The following SLC5A4 variants were observed in gnomAD, a reference collection of about 807,000 sequenced individuals.
SLC5A4 encodes the protein solute carrier family 5 member 4.
SLC5A4 carries 55 observed loss-of-function variants against 70.3 expected under a neutral mutation model. The ratio of observed to expected loss-of-function variants is 0.78; its 90% CI spans 0.63 to 0.98. SLC5A4 has a LOEUF of 0.98. Ranked by LOEUF, SLC5A4 falls within the 50% of genes least tolerant of loss-of-function variation. The pLI, the probability that SLC5A4 is intolerant of heterozygous loss-of-function variation, is 0.00. For synonymous variants in SLC5A4, 268 were observed against 305.7 expected, an observed-to-expected ratio of 0.88 and a Z score of 1.29; for missense variants, 735 against 839.2, an observed-to-expected ratio of 0.88 and a Z score of 1.53.
upstream of SLC5A4, among the ~76,000 whole-genome samples, chr22:32,257,816 C>G (rs1482159589): frequency 6.6e-6 from 1 of 151,816 alleles, no homozygotes; most frequent in East Asian, 1.9e-4. Flanking sequence ...CAGAAACACA[C>G]CACCATGCCC....
At chr22:32,308,968 T>C in the SLC5A4 span, among the ~76,000 whole-genome samples, 29 of 152,256 alleles carry the variant, frequency 1.9e-4, no homozygotes, top group African/African-American at 7.0e-4. Flanking sequence ...CTAGACAGTC[T>C]CACTCTGTCG....
At chr22:32,226,709 A>G (rs1185485925) in intron 11 of SLC5A4, among the ~76,000 whole-genome samples, 4 of 152,170 alleles carry the variant, frequency 2.6e-5, no homozygotes, top group Non-Finnish European at 4.4e-5. Flanking sequence ...AAGACAAATC[A>G]TGTGCTTTCC....
the SLC5A4 span, among the ~76,000 whole-genome samples, chr22:32,353,312 C>T: frequency 2.0e-5 from 3 of 152,104 alleles, no homozygotes; most frequent in Non-Finnish European, 4.4e-5. Context: ...GGTTCCCGTT[C>T]CTGACGCCTC....
intron 2 of SLC5A4, among the ~76,000 whole-genome samples, chr22:32,252,252 TAGAC>T (rs1159118556): frequency 7.2e-6 from 1 of 139,252 alleles, no homozygotes; most frequent in Non-Finnish European, 1.6e-5. Context: ...AAAAAGAAAA[TAGAC>T]AGATGCTGAG....
chr22:32,234,709 A>G (rs1185221762), intron 8 of SLC5A4, among the ~76,000 whole-genome samples, 164 bp downstream of exon 8: 1 of 152,146 alleles, frequency 6.6e-6, no homozygotes, highest in East Asian at 1.9e-4. Flanking sequence ...TCTCAAAAAA[A>G]CACAAAAAAC....
At chr22:32,305,252 G>C in the SLC5A4 span, among the ~76,000 whole-genome samples, 2 of 151,774 alleles carry the variant, frequency 1.3e-5, no homozygotes, top group East Asian at 3.9e-4. Flanking sequence ...TTATGTATTT[G>C]GAGCACAGTA....
chr22:32,305,563 A>T, the SLC5A4 span, among the ~76,000 whole-genome samples: 1 of 148,514 alleles, frequency 6.7e-6, no homozygotes, highest in Admixed American at 7.1e-5. Context: ...TCTGGGCCCC[A>T]GGTGAGGTGG....
chr22:32,269,903 C>A, the SLC5A4 span: 1 of 551,190 alleles, frequency 1.8e-6, no homozygotes, highest in Non-Finnish European at 3.6e-6. This position sits in a 1 kb window ranked among gnomAD's most constrained non-coding sequence, Gnocchi z 4.1. Flanking sequence ...TTTGACAAGG[C>A]GGCCACCAGC....
intron 12 of SLC5A4, among the ~76,000 whole-genome samples, chr22:32,224,723 C>T (rs1372279249): frequency 2.6e-5 from 4 of 152,174 alleles, no homozygotes; most frequent in African/African-American, 9.7e-5. Flanking sequence ...AATACCAGGA[C>T]ACTACTGTCT....
At chr22:32,317,646 T>C in the SLC5A4 span, among the ~76,000 whole-genome samples, 1 of 152,080 alleles carries the variant, frequency 6.6e-6, no homozygotes, top group East Asian at 1.9e-4. Flanking sequence ...AAAAATTCTT[T>C]GTAGGGATGG....
intron 10 of SLC5A4, 42 bp from the exon 11 acceptor site, chr22:32,229,386 C>A (rs1370314611): frequency 6.3e-7 from 1 of 1,599,924 alleles, no homozygotes; most frequent in Admixed American, 1.7e-5. Context: ...AGTGGCTGGA[C>A]ACTGCCTTGC....
intron 11 of SLC5A4, among the ~76,000 whole-genome samples, chr22:32,226,330 C>T (rs573709260): frequency 2.4e-4 from 36 of 152,314 alleles, no homozygotes; most frequent in Middle Eastern, 3.4e-3. Context: ...AGTACTTCAG[C>T]AGGTAAAAAG....
At chr22:32,271,216 T>A in the SLC5A4 span, 2 of 779,980 alleles carry the variant, frequency 2.6e-6, no homozygotes, top group Non-Finnish European at 4.4e-6. Flanking sequence ...GCGGCTGGTG[T>A]TCTTGGTGAA....
chr22:32,271,302 G>A, the SLC5A4 span: 21 of 743,762 alleles, frequency 2.8e-5, no homozygotes, highest in East Asian at 1.2e-4. Flanking sequence ...AGGCCCGCAG[G>A]GAGGAGGCCA....
At chr22:32,264,594 A>G in the SLC5A4 span, among the ~76,000 whole-genome samples, 1 of 152,200 alleles carries the variant, frequency 6.6e-6, no homozygotes, top group Non-Finnish European at 1.5e-5. Context: ...ACGAAACAAG[A>G]AACCAGAAAA....
At position 32,249,262 on chromosome 22, in the gene SLC5A4, C is replaced by T. The variant is rs77366610; in HGVS notation, c.313-460G>A. ...AGAGAGTCTTCACATAGATCACTTACGCTGCTCTCAGCCTAAGTGAGGCAG... is the reference window on the plus strand; with the variant it reads ...AGAGAGTCTTCACATAGATCACTTATGCTGCTCTCAGCCTAAGTGAGGCAG... On this transcript the variant is annotated intron_variant, in intron 3 of 14. Transcript: ENST00000266086. 8.3e-3 allele frequency among the ~76,000 whole-genome samples: 1,260 copies of T among 152,306 alleles called. 18 individuals are homozygous for T. Among genetic ancestry groups the T allele is most frequent in the African/African-American group, 0.029 (1,207 of 41,548 alleles).
the SLC5A4 span, chr22:32,271,571 C>T: frequency 2.8e-5 from 20 of 702,892 alleles, no homozygotes; most frequent in Admixed American, 1.1e-4. Flanking sequence ...GGGTCGGGCC[C>T]GGGGCCGCGT....
the SLC5A4 span, among the ~76,000 whole-genome samples, chr22:32,321,025 C>G: frequency 6.6e-6 from 1 of 152,216 alleles, no homozygotes; most frequent in African/African-American, 2.4e-5. Flanking sequence ...CGGTGGCTCA[C>G]GCCTATAATC....
the SLC5A4 span, among the ~76,000 whole-genome samples, chr22:32,342,228 C>A: frequency 6.6e-6 from 1 of 152,180 alleles, no homozygotes; most frequent in Non-Finnish European, 1.5e-5. Context: ...ACTTGAGAAC[C>A]TCTTCCTTTT....
Sources: gnomAD v4.1 joint callset for allele counts (sites outside exome capture counted in the v4.1 genomes callset) on GRCh38, gnomAD v4.1.1 for gene constraint, Gnocchi (gnomAD v3.1) non-coding constraint, MANE v1.5 for transcripts, NCBI Gene and HGNC (gene_info 2026-07-23, HGNC 2026-07-21) for gene names.